The following CFAP54 variants were observed in gnomAD, a reference collection of about 807,000 sequenced individuals.
The protein encoded by CFAP54 is cilia and flagella associated protein 54, also known as cilia- and flagella-associated protein 54.
In CFAP54, 290 loss-of-function variants were observed where a neutral mutation model predicts 370.4. The ratio of observed to expected loss-of-function variants is 0.78; its 90% CI spans 0.71 to 0.86. The LOEUF (loss-of-function observed/expected upper bound fraction) is 0.86. Ranked by LOEUF, CFAP54 falls within the 40% of genes least tolerant of loss-of-function variation. The pLI is 0.00. For synonymous variants in CFAP54, 1,206 were observed against 1,236.5 expected (o/e 0.98, Z 0.52); for missense variants, 3,399 against 3,528.7 (o/e 0.96, Z 0.93).
intron 40 of CFAP54, among the ~76,000 whole-genome samples, chr12:96,684,103 A>G (rs1346451033): frequency 1.3e-5 from 2 of 152,176 alleles, no homozygotes. Flanking sequence ...ATTATGTGAT[A>G]TTAAAGATAT....
chr12:96,654,857 A>C (rs1321046597), intron 36 of CFAP54, among the ~76,000 whole-genome samples: 8 of 92,010 alleles, frequency 8.7e-5, no homozygotes, highest in Non-Finnish European at 1.4e-4. Context: ...TTAAGAAATG[A>C]GACCAGCTTA....
chr12:96,668,040 C>T (rs1465343006), intron 39 of CFAP54, among the ~76,000 whole-genome samples: 3 of 152,178 alleles, frequency 2.0e-5, no homozygotes, highest in Non-Finnish European at 4.4e-5. Context: ...CATCTGAGAC[C>T]ACCTCAGCCT....
intron 40 of CFAP54, chr12:96,682,269 C>T (rs1377227554): frequency 4.1e-6 from 4 of 985,558 alleles, no homozygotes; most frequent in Admixed American, 6.2e-5. Context: ...TTTTTAGTTC[C>T]GTGGAGAAAA....
At position 96,651,098 on chromosome 12, in the gene CFAP54, C is replaced by T. The variant is rs143796559; in HGVS notation, c.4873-490C>T. 1.1e-3 allele frequency among the ~76,000 whole-genome samples: 165 copies of T among 152,318 alleles called. 1 individual carries two copies. In the South Asian group the frequency reaches 0.025, roughly 23 times the overall value. Reference sequence around the variant, plus strand: ...TCAAATGCTACCTCATCAGAGAGGACTTCTTTCCTGACCACCCTGTCTAAA... The same window carrying T: ...TCAAATGCTACCTCATCAGAGAGGATTTCTTTCCTGACCACCCTGTCTAAA... On this transcript the variant is annotated intron_variant, in intron 35 of 67. Transcript: ENST00000524981.
In CFAP54 at chr12:96,608,364, T is replaced by G. The variant is rs115913651; in HGVS notation, c.3639+9597T>G. 2.7e-3 allele frequency among the ~76,000 whole-genome samples: 418 copies of G among 152,120 alleles called. 2 individuals carry two copies. The highest frequency in any genetic ancestry group is 9.7e-3 in the African/African-American group (403 of 41,504). ...GCACACACATACATATAAAATTATT[T>G]TTTGATAGAATATAAATATGTCTCT... On this transcript the variant is annotated intron_variant, in intron 26 of 67. Coordinates refer to ENST00000524981, the MANE Select transcript of CFAP54 (RefSeq NM_001306084.2).
At chr12:96,507,560 T>TACACACAC (rs1303315790) in intron 4 of CFAP54, among the ~76,000 whole-genome samples, 1 of 61,626 alleles carries the variant, frequency 1.6e-5, no homozygotes. Context: ...CACACACACA[T>TACACACAC]ACACACACAC....
At chr12:96,690,067 A>C (rs1474130016) in intron 43 of CFAP54, among the ~76,000 whole-genome samples, 2 of 152,174 alleles carry the variant, frequency 1.3e-5, no homozygotes, top group Non-Finnish European at 2.9e-5. Context: ...TTACTTTCTG[A>C]TACTCCTTGT....
rs991126199 is a variant in CFAP54 at position 96,858,897 on chromosome 12, A to G, written c.9172-1922A>G. Among the ~76,000 whole-genome samples, 3 of 152,370 alleles carry G rather than the reference A, an allele frequency of 2.0e-5. No individual in the cohort carries two copies. In the East Asian group the frequency reaches 5.8e-4, roughly 29 times the overall value. ...TCACAGAACTAGAAAAAACTGTTTT[A>G]AAATTAATGGAACTAAAATTATGGA... On this transcript the variant is annotated intron_variant, in intron 66 of 67. Transcript: ENST00000524981.
At chr12:96,658,883 G>T (rs926599505) in intron 38 of CFAP54, among the ~76,000 whole-genome samples, 1 of 152,140 alleles carries the variant, frequency 6.6e-6, no homozygotes, top group Non-Finnish European at 1.5e-5. Flanking sequence ...TAAAGACAGG[G>T]CTATTTTATC....
intron 19 of CFAP54, among the ~76,000 whole-genome samples, chr12:96,568,203 T>C (rs1451788567): frequency 6.6e-6 from 1 of 151,888 alleles, no homozygotes; most frequent in Non-Finnish European, 1.5e-5. Flanking sequence ...TTTTCAGAGA[T>C]CTTCTCAGCT....
At chr12:96,761,380 C>T (rs906930615) in intron 58 of CFAP54, among the ~76,000 whole-genome samples, 4 of 151,940 alleles carry the variant, frequency 2.6e-5, no homozygotes, top group African/African-American at 7.3e-5. Flanking sequence ...AGATACAAGC[C>T]CCCTATCAAA....
At chr12:96,613,718 T>C (rs941518887) in intron 26 of CFAP54, among the ~76,000 whole-genome samples, 38 of 151,942 alleles carry the variant, frequency 2.5e-4, no homozygotes, top group Admixed American at 7.2e-4. Flanking sequence ...ATACAAACTA[T>C]CAGCAGAGAA....
At chr12:96,830,844 A>T (rs945260368) in intron 66 of CFAP54, among the ~76,000 whole-genome samples, 6 of 146,846 alleles carry the variant, frequency 4.1e-5, no homozygotes, top group Non-Finnish European at 7.5e-5. Flanking sequence ...TACCTGGCTA[A>T]TTTTTTTTTT....
intron 26 of CFAP54, among the ~76,000 whole-genome samples, chr12:96,619,505 A>G (rs980262434): frequency 3.9e-5 from 6 of 152,082 alleles, no homozygotes; most frequent in African/African-American, 1.4e-4. Context: ...CACTTGTGAG[A>G]TTTGCCATCT....
At chr12:96,679,429 A>T (rs1555289583) in intron 39 of CFAP54, among the ~76,000 whole-genome samples, 171 bp from the exon 40 acceptor site, 1 of 151,970 alleles carries the variant, frequency 6.6e-6, no homozygotes, top group Non-Finnish European at 1.5e-5. Context: ...GTATACTAAA[A>T]GAAAAAAAAA....
chr12:96,842,779 A>G (rs1397861008), intron 66 of CFAP54, among the ~76,000 whole-genome samples: 1 of 151,832 alleles, frequency 6.6e-6, no homozygotes, highest in Non-Finnish European at 1.5e-5. Flanking sequence ...CCTTCCTACT[A>G]CTTTTTTCTT....
chr12:96,747,296 A>G (rs1958127402), intron 55 of CFAP54, among the ~76,000 whole-genome samples: 1 of 152,246 alleles, frequency 6.6e-6, no homozygotes, highest in African/African-American at 2.4e-5. Flanking sequence ...TATTCATTGT[A>G]TACATCAAAA....
intron 48 of CFAP54, among the ~76,000 whole-genome samples, chr12:96,716,296 G>A (rs957014537): frequency 3.3e-5 from 5 of 152,276 alleles, no homozygotes; most frequent in Middle Eastern, 3.4e-3. Flanking sequence ...TTTTTTGCTT[G>A]GAGATGTTTC....
intron 32 of CFAP54, among the ~76,000 whole-genome samples, chr12:96,636,225 T>C (rs1956663193): frequency 6.6e-6 from 1 of 152,170 alleles, no homozygotes; most frequent in South Asian, 2.1e-4. Flanking sequence ...AGGTACCAAA[T>C]ATGTATTTTT....
Sources: allele counts gnomAD v4.1 joint callset (sites outside exome capture counted in the v4.1 genomes callset), GRCh38; gene constraint gnomAD v4.1.1; transcripts MANE v1.5; gene names NCBI Gene and HGNC (gene_info 2026-07-23, HGNC 2026-07-21).